Variants in MRPS12 observed in about 807,000 individuals in gnomAD.
MRPS12 encodes the protein small ribosomal subunit protein uS12m.
Under a neutral mutation model 8.4 loss-of-function variants are expected in MRPS12, and 7 were observed. That is an observed-to-expected ratio of 0.83 (90% CI 0.47 to 1.56). The LOEUF (loss-of-function observed/expected upper bound fraction) is 1.56, where lower values mean the gene tolerates loss of function less well. Among genes scored for constraint, MRPS12 ranks in the 40% most tolerant of loss-of-function variants. The probability of loss-of-function intolerance (pLI) is 0.01; values close to 1 mark genes in which losing one functional copy is unlikely to be tolerated. For synonymous variants in MRPS12, 84 were observed against 84.1 expected, an observed-to-expected ratio of 1.00 and a Z score of 0.01; for missense variants, 200 against 194.1, an observed-to-expected ratio of 1.03 and a Z score of -0.18.
At chr19:38,931,229 A>C in intron 1 of MRPS12, 47 bp from the exon 2 acceptor site, 1 of 1,458,670 alleles carries the variant, frequency 6.9e-7, no homozygotes, top group Non-Finnish European at 9.3e-7. Context: ...GCATTTGCGG[A>C]TCGGTCACTT....
intron 1 of MRPS12, 91 bp from the exon 2 acceptor site, chr19:38,931,184 AT>A (rs1293543078): frequency 9.8e-6 from 10 of 1,020,178 alleles, no homozygotes. Context: ...ATTTCCTTTG[AT>A]TTAAGCCAGA....
At chr19:38,931,797 A>G (rs1974756162) in intron 2 of MRPS12, 1 of 158,668 alleles carries the variant, frequency 6.3e-6, no homozygotes, top group Admixed American at 6.4e-5. Flanking sequence ...CACAGCCTCC[A>G]AAAGTGCTAG....
Position 38,932,962 on chromosome 19 carries a change from G to C in MRPS12, c.*262G>C. 2.1e-6 allele frequency: 1 copy of C among 486,038 alleles called. No homozygotes were observed. Among genetic ancestry groups the C allele is most frequent in the Non-Finnish European group, 3.7e-6 (1 of 273,862 alleles). The allele number at this position is 486,038 out of a possible 1,614,324, so 30.1% of individuals were successfully genotyped here. A position where few individuals can be genotyped will look rare whatever the true frequency, so the allele number is the denominator to read the frequency against. The stretch of plus-strand genomic sequence containing the variant: ...ACCTTTTCTGCTGGGACAAGACACT[G>C]TACTGCCCTCTGCTGGGAAGGGGTT... On this transcript the variant is annotated 3_prime_UTR_variant, in exon 3 of 3. Transcript: ENST00000308018.
At chr19:38,931,170 A>G (rs1333303214) in intron 1 of MRPS12, 106 bp from the exon 2 acceptor site, 3 of 849,216 alleles carry the variant, frequency 3.5e-6, no homozygotes, top group East Asian at 5.0e-5. Context: ...AGACCTATAG[A>G]GGTATTTCCT....
chr19:38,932,187 G>T, intron 2 of MRPS12, 146 bp from the exon 3 acceptor site: 13 of 554,564 alleles, frequency 2.3e-5, no homozygotes, highest in Non-Finnish European at 3.7e-5. Flanking sequence ...GAAGAATAAA[G>T]AGTTACTTTT....
intron 1 of MRPS12, 57 bp from the exon 2 acceptor site, chr19:38,931,219 G>A: frequency 1.5e-6 from 2 of 1,359,534 alleles, no homozygotes; most frequent in Non-Finnish European, 2.0e-6. Flanking sequence ...GGATCGGGGA[G>A]CATTTGCGGA....
chr19:38,931,330 G>C lies in MRPS12; in HGVS notation c.36G>C (p.Thr12=), dbSNP rs370889339. 1.5e-5 allele frequency: 24 copies of C among 1,600,620 alleles called. No homozygotes were observed. Among genetic ancestry groups the C allele is most frequent in the Middle Eastern group, 1.7e-4 (1 of 6,028 alleles). Residue 12 remains threonine, a synonymous_variant, in exon 2 of 3, where the codon ACG becomes ACC. Transcript: ENST00000308018. ...CTGGCCTTCTCCATGGCCTCAACAC[G>C]TCCCTAACTTGTGGTAAGTGGGGGA... The part of the protein sequence containing the change: ...SWSGLLHGLN[T]SLTCGPALVP...
Position 38,931,326 on chromosome 19 carries a change from A to G in MRPS12, c.32A>G (p.Asn11Ser), listed in dbSNP as rs752006596. Reference protein sequence around the residue: MSWSGLLHGLNTSLTCGPALV... With the variant: MSWSGLLHGLSTSLTCGPALV... ...TGGTCTGGCCTTCTCCATGGCCTCA[A>G]CACGTCCCTAACTTGTGGTAAGTGG... Residue 11 changes from asparagine (N) to serine (S), a missense_variant, in exon 2 of 3, where the codon AAC becomes AGC. Coordinates refer to ENST00000308018, the MANE Select transcript of MRPS12 (RefSeq NM_033362.4). 1.2e-6 allele frequency: 2 copies of G among 1,601,978 alleles called. No individual in the cohort carries two copies. The highest frequency in any genetic ancestry group is 1.3e-5 in the African/African-American group (1 of 74,152).
chr19:38,932,152 A>G (rs1445861011), intron 2 of MRPS12, among the ~76,000 whole-genome samples, 181 bp from the exon 3 acceptor site: 2 of 151,962 alleles, frequency 1.3e-5, no homozygotes, highest in African/African-American at 4.8e-5. Flanking sequence ...AAAAAAGAAA[A>G]AAAAAAAAAA....
Position 38,932,744 on chromosome 19 carries a change from C to A in MRPS12, c.*44C>A. ...GCTGGGCGCCCCTGCAGAACATGAA[C>A]CTTCCGCTCCTGGCTGCCACAGGGT... On this transcript the variant is annotated 3_prime_UTR_variant, in exon 3 of 3. Transcript: ENST00000308018. 4 of 1,586,214 alleles carry A rather than the reference C, an allele frequency of 2.5e-6. No individual in the cohort carries two copies. Among genetic ancestry groups the A allele is most frequent in the Non-Finnish European group, 3.4e-6 (4 of 1,167,880 alleles).
At position 38,930,992 on chromosome 19, in the gene MRPS12, C is replaced by T. The variant is rs1191013371; in HGVS notation, c.-26C>T. The stretch of plus-strand genomic sequence containing the variant: ...GTGTCCGCGACCTCACCTTTAGGTC[C>T]TGTGAGGTCGGTGGAATCCTGGGGT... On this transcript the variant is annotated 5_prime_UTR_variant, in exon 1 of 3. Coordinates refer to ENST00000308018, the MANE Select transcript of MRPS12 (RefSeq NM_033362.4). 8.3e-6 allele frequency: 5 copies of T among 599,246 alleles called. No homozygotes were observed. The highest frequency in any genetic ancestry group is 4.0e-5 in the South Asian group (2 of 50,176). The allele number at this position is 599,246 out of a possible 1,614,324, so 37.1% of individuals were successfully genotyped here. A position where few individuals can be genotyped will look rare whatever the true frequency, so the allele number is the denominator to read the frequency against.
At chr19:38,931,699 AACCAGC>A (rs1251081135) in intron 2 of MRPS12, 2 of 192,272 alleles carry the variant, frequency 1.0e-5, no homozygotes, top group Non-Finnish European at 2.1e-5. Context: ...GCAGAACCAC[AACCAGC>A]TAACTTTTTG....
intron 1 of MRPS12, 49 bp from the exon 2 acceptor site, chr19:38,931,227 G>C: frequency 6.9e-7 from 1 of 1,443,510 alleles, no homozygotes; most frequent in East Asian, 2.4e-5. Context: ...GAGCATTTGC[G>C]GATCGGTCAC....
chr19:38,932,291 G>A (rs1974767565), intron 2 of MRPS12, 42 bp from the exon 3 acceptor site: 1 of 1,498,096 alleles, frequency 6.7e-7, no homozygotes, highest in East Asian at 2.3e-5. Context: ...ACTACTCTAA[G>A]ATCTGTTCTC....
At chr19:38,931,206 A>G in intron 1 of MRPS12, 70 bp from the exon 2 acceptor site, 1 of 1,222,822 alleles carries the variant, frequency 8.2e-7, no homozygotes, top group Non-Finnish European at 1.2e-6. Flanking sequence ...AAGTCCTGAG[A>G]GCGGATCGGG....
In MRPS12 at chr19:38,932,385, C is replaced by T; in HGVS notation, c.102C>T (p.Asn34=). 1 of 1,594,884 alleles carries T rather than the reference C, an allele frequency of 6.3e-7. No homozygotes were observed. Among genetic ancestry groups the T allele is most frequent in the Non-Finnish European group, 8.6e-7 (1 of 1,169,328 alleles). ...LWATCSMATL[N]QMHRLGPPKR... Reference sequence around the variant, plus strand: ...CTACCTGCTCCATGGCTACCCTGAACCAGATGCACCGCCTGGGGCCCCCCA... The same window carrying T: ...CTACCTGCTCCATGGCTACCCTGAATCAGATGCACCGCCTGGGGCCCCCCA... The change falls in exon 3 of 3, where the codon AAC becomes AAT. Residue 34 remains asparagine, a synonymous_variant. Coordinates refer to ENST00000308018, the MANE Select transcript of MRPS12 (RefSeq NM_033362.4).
chr19:38,932,701 C>T lies in MRPS12; in HGVS notation c.*1C>T, dbSNP rs773420592. 1.2e-5 allele frequency: 20 copies of T among 1,611,500 alleles called. No individual in the cohort carries two copies. Among genetic ancestry groups the T allele is most frequent in the Admixed American group, 1.2e-4 (7 of 59,956 alleles). On this transcript the variant is annotated 3_prime_UTR_variant, in exon 3 of 3. Transcript: ENST00000308018. ...CTGTGGCCACGTGCAGAAGAAGTGA[C>T]GGCTGGGGGCACAGTGGGCTGGGCG...
chr19:38,930,963 C>CA lies in MRPS12; in HGVS notation c.-54dup, dbSNP rs1301746246. The CA allele has an allele frequency of 1.6e-6, 1 of 621,018 alleles. No individual in the cohort carries two copies. Among genetic ancestry groups the CA allele is most frequent in the South Asian group, 1.9e-5 (1 of 51,904 alleles). 38.5% of individuals were successfully genotyped at this position (621,018 alleles called of 1,614,324 possible). A position where few individuals can be genotyped will look rare whatever the true frequency, so the allele number is the denominator to read the frequency against. ...CCCGGAAGAGGCTAGAAGCTGGATT[C>CA]AGCGTGTCCGCGACCTCACCTTTAG... On this transcript the variant is annotated 5_prime_UTR_variant, in exon 1 of 3. Transcript: ENST00000308018.
In MRPS12 at chr19:38,932,747, TC is replaced by T. The variant is rs1974786488; in HGVS notation, c.*49del. 7 of 1,584,512 alleles carry T rather than the reference TC, an allele frequency of 4.4e-6. No homozygotes were observed. The highest frequency in any genetic ancestry group is 1.3e-5 in the African/African-American group (1 of 74,514). On this transcript the variant is annotated 3_prime_UTR_variant, in exon 3 of 3. Coordinates refer to ENST00000308018, the MANE Select transcript of MRPS12 (RefSeq NM_033362.4). ...GGGCGCCCCTGCAGAACATGAACCT[TC>T]CGCTCCTGGCTGCCACAGGGTCCTC... is the stretch of plus-strand genomic sequence containing the variant.
Sources: gnomAD v4.1 joint callset for allele counts (sites outside exome capture counted in the v4.1 genomes callset) on GRCh38, gnomAD v4.1.1 for gene constraint, MANE v1.5 for transcripts, NCBI Gene and HGNC (gene_info 2026-07-23, HGNC 2026-07-21) for gene names.